Variants in CAMKMT observed in about 807,000 individuals in gnomAD.
CAMKMT encodes CaM KMT.
In CAMKMT, 53 loss-of-function variants were observed where a neutral mutation model predicts 48.0. The observed-to-expected ratio is 1.10, with a 90% CI of 0.89 to 1.39. The LOEUF (loss-of-function observed/expected upper bound fraction) is 1.39. Ranked by LOEUF, CAMKMT falls within the 40% of genes most tolerant of loss-of-function variation. CAMKMT has a pLI of 0.00. For missense variants in CAMKMT, 428 were observed against 402.7 expected, an observed-to-expected ratio of 1.06 and a Z score of -0.54; for synonymous variants, 165 against 152.3, an observed-to-expected ratio of 1.08 and a Z score of -0.61.
chr2:44,717,241 GC>G (rs368772126), intron 7 of CAMKMT, among the ~76,000 whole-genome samples: 20 of 151,998 alleles, frequency 1.3e-4, no homozygotes, highest in African/African-American at 4.8e-4. Flanking sequence ...ATGAGGATGG[GC>G]TTTTTTTGTC....
At chr2:44,384,634 C>T (rs1006285793) in intron 2 of CAMKMT, among the ~76,000 whole-genome samples, 6 of 151,376 alleles carry the variant, frequency 4.0e-5, no homozygotes, top group African/African-American at 1.2e-4. Context: ...GATTTAAGTC[C>T]TCAATCCATC....
chr2:44,664,468 T>C (rs1455803668), intron 3 of CAMKMT, among the ~76,000 whole-genome samples: 7 of 152,222 alleles, frequency 4.6e-5, no homozygotes, highest in African/African-American at 1.7e-4. Context: ...GTGCTGGGTA[T>C]AGAATAGATG....
At chr2:44,491,150 CAA>C (rs201007456) in intron 3 of CAMKMT, among the ~76,000 whole-genome samples, 73,894 of 114,078 alleles carry the variant, frequency 0.65, 22,343 homozygotes, top group South Asian at 0.75. Context: ...GACCTTGTCT[CAA>C]AAAAAAAAAA....
intron 3 of CAMKMT, among the ~76,000 whole-genome samples, chr2:44,397,985 T>A (rs1238976891): frequency 1.3e-5 from 2 of 152,240 alleles, no homozygotes; most frequent in East Asian, 1.9e-4. Flanking sequence ...TACTTCCAAG[T>A]TTTAGCACAA....
At chr2:44,456,554 C>A in intron 3 of CAMKMT, 1 of 1,549,562 alleles carries the variant, frequency 6.5e-7, no homozygotes, top group Non-Finnish European at 8.7e-7. Flanking sequence ...TACATGTCAT[C>A]CTTTCTCTTT....
At chr2:44,400,025 T>C (rs1005126079) in intron 3 of CAMKMT, among the ~76,000 whole-genome samples, 1 of 152,220 alleles carries the variant, frequency 6.6e-6, no homozygotes, top group African/African-American at 2.4e-5. Context: ...TATCCCAGCA[T>C]AGTACCTTTC....
chr2:44,765,878 G>A (rs982829251), intron 9 of CAMKMT, among the ~76,000 whole-genome samples: 2 of 152,190 alleles, frequency 1.3e-5, no homozygotes, highest in African/African-American at 2.4e-5. Context: ...ATCTGACAGC[G>A]TGGTCACAGA....
chr2:44,660,116 A>G (rs1191023479), intron 3 of CAMKMT, among the ~76,000 whole-genome samples: 1 of 152,242 alleles, frequency 6.6e-6, no homozygotes, highest in Non-Finnish European at 1.5e-5. Context: ...AAAAGTAATT[A>G]TATTTTCCAA....
chr2:44,517,988 T>C (rs1336891564), intron 3 of CAMKMT, among the ~76,000 whole-genome samples: 1 of 152,196 alleles, frequency 6.6e-6, no homozygotes, highest in Non-Finnish European at 1.5e-5. Context: ...TTAATTTTCC[T>C]TTTCACTTAA....
chr2:44,523,271 T>A (rs1671215772), intron 3 of CAMKMT, among the ~76,000 whole-genome samples: 1 of 151,658 alleles, frequency 6.6e-6, no homozygotes, highest in South Asian at 2.1e-4. Context: ...CTTGGGCTTC[T>A]GCTGGGGTCA....
At chr2:44,701,533 T>G (rs1012200713) in intron 3 of CAMKMT, among the ~76,000 whole-genome samples, 1 of 152,198 alleles carries the variant, frequency 6.6e-6, no homozygotes, top group Non-Finnish European at 1.5e-5. Context: ...ATATGTAACC[T>G]CTGACCAGAT....
chr2:44,390,966 A>G (rs1350555091), intron 3 of CAMKMT, among the ~76,000 whole-genome samples: 1 of 152,232 alleles, frequency 6.6e-6, no homozygotes, highest in African/African-American at 2.4e-5. Context: ...GTTAAACAGC[A>G]TACCATCATA....
intron 3 of CAMKMT, among the ~76,000 whole-genome samples, chr2:44,649,299 A>G (rs541126252): frequency 1.6e-4 from 25 of 152,176 alleles, no homozygotes; most frequent in East Asian, 7.7e-4. Context: ...TTGAGTACCT[A>G]CTGAGTTCCA....
chr2:44,761,616 A>G (rs1440609978), intron 9 of CAMKMT, among the ~76,000 whole-genome samples: 2 of 152,196 alleles, frequency 1.3e-5, no homozygotes, highest in African/African-American at 2.4e-5. Context: ...GCAATTCAGA[A>G]CACAGTTTGA....
chr2:44,666,362 A>G (rs1275475109), intron 3 of CAMKMT, among the ~76,000 whole-genome samples: 1 of 151,938 alleles, frequency 6.6e-6, no homozygotes, highest in African/African-American at 2.4e-5. Context: ...CTTTATCAAC[A>G]TTTTCCCACT....
chr2:44,445,834 G>C (rs1666964483), intron 3 of CAMKMT, among the ~76,000 whole-genome samples: 1 of 151,568 alleles, frequency 6.6e-6, no homozygotes, highest in African/African-American at 2.4e-5. Context: ...CTTACTTTCA[G>C]ACCATCAAAC....
At position 44,362,098 on chromosome 2, in the gene CAMKMT, G is replaced by A; in HGVS notation, c.91G>A (p.Val31Ile). Residue 31 changes from valine (V) to isoleucine (I), a missense_variant, in exon 1 of 11, where the codon GTA (valine) becomes ATA (isoleucine). Physicochemically the swap from Val to Ile is conservative, Grantham distance 29 (BLOSUM62 3). Transcript: ENST00000378494. ...AGTTGGCTGCACCACTCGGGGGCCCGTAGTCTCGGCGCCCCTGGGAGCCGC... is the reference window on the plus strand; with the variant it reads ...AGTTGGCTGCACCACTCGGGGGCCCATAGTCTCGGCGCCCCTGGGAGCCGC... ...PAVGCTTRGP[V>I]VSAPLGAARW... is the part of the protein sequence containing the mutation. The A allele has an allele frequency of 1.4e-6, 2 of 1,465,544 alleles. No homozygotes were observed. Among genetic ancestry groups the A allele is most frequent in the Non-Finnish European group, 1.8e-6 (2 of 1,119,576 alleles). The allele number at this position is 1,465,544 out of a possible 1,614,324, so 90.8% of individuals were successfully genotyped here.
chr2:44,605,427 C>A (rs1463561615), intron 3 of CAMKMT, among the ~76,000 whole-genome samples: 1 of 152,022 alleles, frequency 6.6e-6, no homozygotes, highest in East Asian at 1.9e-4. Flanking sequence ...TATCTACAAT[C>A]AAAATTGGTG....
At chr2:44,712,856 A>C (rs2104295848) in intron 6 of CAMKMT, among the ~76,000 whole-genome samples, 1 of 152,264 alleles carries the variant, frequency 6.6e-6, no homozygotes, top group East Asian at 1.9e-4. Context: ...ATTGGACAAC[A>C]CAGTGCCGTC....
Sources: gnomAD v4.1 joint callset for allele counts (sites outside exome capture counted in the v4.1 genomes callset) on GRCh38, gnomAD v4.1.1 for gene constraint, MANE v1.5 for transcripts, NCBI Gene and HGNC (gene_info 2026-07-23, HGNC 2026-07-21) for gene names.